Variants in THSD7B observed in about 807,000 individuals in gnomAD.
THSD7B encodes thrombospondin type 1 domain containing 7B.
A neutral mutation model predicts 213.6 loss-of-function variants in THSD7B; 138 were observed. That is an observed-to-expected ratio of 0.65 (90% CI 0.56 to 0.74). The LOEUF is 0.74. Ranked by LOEUF, THSD7B falls within the 30% of genes least tolerant of loss-of-function variation. The pLI is 0.00. For missense variants in THSD7B, 1,931 were observed against 1,991.5 expected, an observed-to-expected ratio of 0.97 and a Z score of 0.58; for synonymous variants, 742 against 687.0, an observed-to-expected ratio of 1.08 and a Z score of -1.25.
At chr2:137,220,705 G>T (rs1361231236) in intron 7 of THSD7B, among the ~76,000 whole-genome samples, 1 of 152,108 alleles carries the variant, frequency 6.6e-6, no homozygotes, top group Admixed American at 6.5e-5. Flanking sequence ...TTACCCAAGA[G>T]AAATGAAAAC....
In THSD7B at chr2:136,969,945, C is replaced by A. The variant is rs114652962; in HGVS notation, c.140-86475C>A. On this transcript the variant is annotated intron_variant, in intron 2 of 27. Transcript: ENST00000409968. ...ATAAACTAGCAAAAACATAAACAAA[C>A]CCAACCACATGCCTACAAAAGGAAT... Among the ~76,000 whole-genome samples the A allele has an allele frequency of 5.7e-3, 861 of 152,240 alleles. 6 individuals are homozygous for A. The highest frequency in any genetic ancestry group is 0.02 in the African/African-American group (811 of 41,548).
Position 137,450,924 on chromosome 2 carries a change from T to C in THSD7B, c.3039T>C (p.Ser1013=), listed in dbSNP as rs1402719855. ...ATTGGTCTAGTTGGGGGTCTTGCAG[T>C]TCATCTTGTGGAATTGGAGTGAGAA... ...LSDWSSWGSC[S]SSCGIGVRIR... The change falls in exon 15 of 28, where the codon AGT becomes AGC. Residue 1013 remains serine, a synonymous_variant. Coordinates refer to ENST00000409968, the MANE Select transcript of THSD7B (RefSeq NM_001316349.2). The C allele has an allele frequency of 1.9e-6, 3 of 1,613,722 alleles. No homozygotes were observed. Among genetic ancestry groups the C allele is most frequent in the African/African-American group, 2.7e-5 (2 of 75,048 alleles).
rs528872315 is a variant in THSD7B at position 137,352,472 on chromosome 2, G to A, written c.2501-53141G>A. Among the ~76,000 whole-genome samples, 231 of 152,062 alleles carry A rather than the reference G, an allele frequency of 1.5e-3. 1 individual carries two copies. The highest frequency in any genetic ancestry group is 5.0e-3 in the South Asian group (24 of 4,822). On this transcript the variant is annotated intron_variant, in intron 12 of 27. Coordinates refer to ENST00000409968, the MANE Select transcript of THSD7B (RefSeq NM_001316349.2). ...GTTGGGCCATCAGAGAAGTTGGCTC[G>A]TGGGTTAAGCCACTTAGTCCTCCTG...
chr2:136,813,447 T>TGGA (rs1178333212), intron 1 of THSD7B, among the ~76,000 whole-genome samples: 1 of 152,170 alleles, frequency 6.6e-6, no homozygotes, highest in African/African-American at 2.4e-5. Context: ...CGCCTGCTCT[T>TGGA]CGAGATGACT....
At chr2:137,405,487 A>G in intron 12 of THSD7B, 126 bp from the exon 13 acceptor site, 1 of 734,970 alleles carries the variant, frequency 1.4e-6, no homozygotes, top group Non-Finnish European at 2.1e-6. Flanking sequence ...GCTATGTTGA[A>G]CACCGTTTGC....
In THSD7B at chr2:137,250,111, T is replaced by A. The variant is rs536582283; in HGVS notation, c.2266+7539T>A. The stretch of plus-strand genomic sequence containing the variant: ...CCTGTTCAGCTACAGAAAGGCAAGC[T>A]AGACAAGTTTAATTCTTGCCAGTGA... On this transcript the variant is annotated intron_variant, in intron 10 of 27. Transcript: ENST00000409968. Among the ~76,000 whole-genome samples, 4 of 152,332 alleles carry A rather than the reference T, an allele frequency of 2.6e-5. No individual in the cohort carries two copies. The South Asian group carries it at 8.3e-4, about 32-fold the overall frequency.
At chr2:136,914,309 C>T (rs1207971643) in intron 2 of THSD7B, among the ~76,000 whole-genome samples, 1 of 152,226 alleles carries the variant, frequency 6.6e-6, no homozygotes, top group Admixed American at 6.5e-5. Flanking sequence ...TTTGATTTTA[C>T]AGGCTCATAG....
chr2:137,080,689 A>AT (rs1221777588), intron 3 of THSD7B, among the ~76,000 whole-genome samples: 1 of 151,128 alleles, frequency 6.6e-6, no homozygotes, highest in Non-Finnish European at 1.5e-5. Flanking sequence ...ACTTTTTTAC[A>AT]TTTTCTCTCT....
chr2:137,208,751 C>G (rs1047646281), intron 7 of THSD7B, among the ~76,000 whole-genome samples: 2 of 151,938 alleles, frequency 1.3e-5, no homozygotes, highest in Admixed American at 6.6e-5. Flanking sequence ...GAGTCAGCCC[C>G]TGGGTAGAGG....
intron 15 of THSD7B, among the ~76,000 whole-genome samples, chr2:137,545,720 C>A (rs894457154): frequency 2.0e-5 from 3 of 151,792 alleles, no homozygotes; most frequent in African/African-American, 7.2e-5. Context: ...TCTATACTTC[C>A]TAGAGTTCAG....
chr2:137,298,971 G>A (rs1434811204), intron 12 of THSD7B, among the ~76,000 whole-genome samples: 1 of 152,102 alleles, frequency 6.6e-6, no homozygotes, highest in African/African-American at 2.4e-5. Context: ...GTGGAGCTGT[G>A]AGAAGAAAGC....
At chr2:137,210,487 T>A (rs1372974154) in intron 7 of THSD7B, among the ~76,000 whole-genome samples, 1 of 152,096 alleles carries the variant, frequency 6.6e-6, no homozygotes, top group Non-Finnish European at 1.5e-5. Context: ...GTATTCGTTC[T>A]TACAGTTATG....
chr2:137,282,760 C>T (rs1457317537), intron 12 of THSD7B, among the ~76,000 whole-genome samples: 1 of 152,094 alleles, frequency 6.6e-6, no homozygotes, highest in Non-Finnish European at 1.5e-5. Context: ...TTCCATTGGT[C>T]TATATCTCTG....
intron 8 of THSD7B, among the ~76,000 whole-genome samples, chr2:137,232,034 A>T (rs1341472568): frequency 6.6e-6 from 1 of 152,172 alleles, no homozygotes; most frequent in Non-Finnish European, 1.5e-5. Flanking sequence ...TAAAGTGAAG[A>T]TGGTTCCTTC....
chr2:136,968,531 A>C (rs969944416), intron 2 of THSD7B, among the ~76,000 whole-genome samples: 5 of 152,044 alleles, frequency 3.3e-5, no homozygotes, highest in Non-Finnish European at 7.4e-5. Flanking sequence ...CTGGTTATAT[A>C]TGATGCAAAT....
Position 136,961,346 on chromosome 2 carries a change from G to A in THSD7B, c.139+79029G>A, listed in dbSNP as rs546111846. Among the ~76,000 whole-genome samples the A allele has an allele frequency of 1.0e-4, 15 of 149,558 alleles. No homozygotes were observed. In the South Asian group the frequency reaches 2.6e-3, roughly 26 times the overall value. On this transcript the variant is annotated intron_variant, in intron 2 of 27. Transcript: ENST00000409968. The stretch of plus-strand genomic sequence containing the variant: ...CGCCATTCTCTTGCCTCAGCCTCCC[G>A]AGTAGCTGGGACTACAGGCACAACC...
chr2:137,071,648 A>G (rs970979897), intron 3 of THSD7B, among the ~76,000 whole-genome samples: 11 of 152,140 alleles, frequency 7.2e-5, no homozygotes, highest in African/African-American at 2.7e-4. Flanking sequence ...TATGTCCTGA[A>G]TGGTATTGCC....
chr2:137,646,676 A>AATAATAATG (rs1268685368), intron 21 of THSD7B, among the ~76,000 whole-genome samples: 6 of 148,100 alleles, frequency 4.1e-5, no homozygotes, highest in Admixed American at 2.0e-4. Context: ...TAATAATAAT[A>AATAATAATG]ATAATAAACA....
intron 12 of THSD7B, among the ~76,000 whole-genome samples, chr2:137,400,370 T>A (rs371812805): frequency 2.0e-5 from 3 of 152,288 alleles, no homozygotes; most frequent in African/African-American, 7.2e-5. Context: ...GCTTCTTATT[T>A]GTGAATTTAC....
Sources: gnomAD v4.1 joint callset for allele counts (sites outside exome capture counted in the v4.1 genomes callset) on GRCh38, gnomAD v4.1.1 for gene constraint, MANE v1.5 for transcripts, NCBI Gene and HGNC (gene_info 2026-07-23, HGNC 2026-07-21) for gene names.